Variants in KAZN observed in about 807,000 individuals in gnomAD.
KAZN encodes kazrin, periplakin interacting protein.
KAZN carries 40 observed loss-of-function variants against 87.4 expected under a neutral mutation model. The observed-to-expected ratio is 0.46, with a 90% confidence interval of 0.36 to 0.60. The LOEUF is 0.60. Ranked by LOEUF, KAZN falls within the 20% of genes least tolerant of loss-of-function variation. KAZN has a pLI of 0.00. For missense variants in KAZN, 898 were observed against 1,073.9 expected, an observed-to-expected ratio of 0.84 and a Z score of 2.29; for synonymous variants, 466 against 458.3, an observed-to-expected ratio of 1.02 and a Z score of -0.22.
chr1:14,649,491 T>C (rs1367302459), intron 1 of KAZN, among the ~76,000 whole-genome samples: 2 of 152,218 alleles, frequency 1.3e-5, no homozygotes, highest in African/African-American at 4.8e-5. Flanking sequence ...CAAAGCCTGA[T>C]TGATCCATTG....
intron 2 of KAZN, among the ~76,000 whole-genome samples, chr1:14,286,697 C>T (rs1653280026): frequency 6.6e-6 from 1 of 152,142 alleles, no homozygotes; most frequent in African/African-American, 2.4e-5. Flanking sequence ...ACTTTGTAGA[C>T]ATACCCAGGT....
rs187642803 is a variant in KAZN, at chr1:14,180,344, C to T, written c.92-91C>T. 8.2e-5 allele frequency: 95 copies of T among 1,154,446 alleles called. No homozygotes were observed. The African/African-American group carries it at 1.3e-3, about 15-fold the overall frequency. 71.5% of individuals were successfully genotyped at this position (1,154,446 alleles called of 1,614,324 possible). On this transcript the variant is annotated intron_variant, in intron 1 of 16. Transcript: ENST00000636203. ...ATGCCTGGCTTAGACCTTGTATGTA[C>T]ACCCTTACTTTTCTCTTCAAAATGG...
chr1:15,056,162 G>A lies in KAZN; in HGVS notation c.798G>A (p.Thr266=), dbSNP rs1049826717. The part of the protein sequence containing the change: ...KRHSLAMPGE[T]VLNGNQEWVV... ...ATTCCCTCGCCATGCCGGGCGAGACGGTGCTCAATGGCAACCAGGAGTGGG... is the reference window on the plus strand; with the variant it reads ...ATTCCCTCGCCATGCCGGGCGAGACAGTGCTCAATGGCAACCAGGAGTGGG... Residue 266 remains threonine (T), a synonymous_variant, in exon 5 of 15, where the codon ACG becomes ACA. Coordinates refer to ENST00000376030, the MANE Select transcript of KAZN (RefSeq NM_201628.3). This position sits in a 1 kb window ranked among gnomAD's most constrained non-coding sequence, Gnocchi z 5.4. 15 of 1,614,072 alleles carry A rather than the reference G, an allele frequency of 9.3e-6. No homozygotes were observed. Among genetic ancestry groups the A allele is most frequent in the Middle Eastern group, 1.6e-4 (1 of 6,084 alleles).
At chr1:14,231,345 C>G (rs1417501675) in intron 2 of KAZN, among the ~76,000 whole-genome samples, 1 of 152,190 alleles carries the variant, frequency 6.6e-6, no homozygotes, top group East Asian at 1.9e-4. Flanking sequence ...GCTATCTTCC[C>G]CTCCCCTTGT....
intron 2 of KAZN, among the ~76,000 whole-genome samples, chr1:14,533,867 T>C (rs1324790654): frequency 6.6e-6 from 1 of 152,194 alleles, no homozygotes; most frequent in African/African-American, 2.4e-5. Context: ...ACCTGTCTGC[T>C]CACATACAAG....
intron 1 of KAZN, among the ~76,000 whole-genome samples, chr1:14,681,449 T>G (rs1463336401): frequency 6.6e-6 from 1 of 151,260 alleles, no homozygotes; most frequent in South Asian, 2.1e-4. Flanking sequence ...ACACTGACAT[T>G]TCAGAAACTC....
At chr1:15,034,929 C>T in intron 3 of KAZN, 44 bp downstream of exon 3, 1 of 1,606,602 alleles carries the variant, frequency 6.2e-7, no homozygotes, top group Non-Finnish European at 8.5e-7. Flanking sequence ...GACACACCAG[C>T]TCCCACCTCC....
Position 15,094,245 on chromosome 1 carries a change from G to A in KAZN, c.1288G>A (p.Asp430Asn), listed in dbSNP as rs753888015. ...CCTGTCGGAAGGCGAGGAGCAGATG[G>A]ACCGGCTGCAGCAGGTGGAGCTGGT... Reference protein sequence around the residue: ...LSLSEGEEQMDRLQQVELVRT... With the variant: ...LSLSEGEEQMNRLQQVELVRT... Residue 430 changes from aspartate to asparagine, a missense_variant, in exon 9 of 15, where the codon GAC becomes AAC. Physicochemically the swap from Asp to Asn is conservative, Grantham distance 23. Transcript: ENST00000376030. This position sits in a 1 kb window ranked among gnomAD's most constrained non-coding sequence, Gnocchi z 4.5. 10 of 1,613,852 alleles carry A rather than the reference G, an allele frequency of 6.2e-6. No homozygotes were observed. The highest frequency in any genetic ancestry group is 7.6e-6 in the Non-Finnish European group (9 of 1,179,896).
At chr1:14,195,484 A>G (rs1328149279) in intron 2 of KAZN, among the ~76,000 whole-genome samples, 1 of 149,466 alleles carries the variant, frequency 6.7e-6, no homozygotes, top group Non-Finnish European at 1.5e-5. Context: ...AAAATCATCC[A>G]TCAGGGATTC....
At chr1:14,245,512 ATT>A (rs1161151806) in intron 2 of KAZN, among the ~76,000 whole-genome samples, 1 of 152,036 alleles carries the variant, frequency 6.6e-6, no homozygotes, top group East Asian at 1.9e-4. Flanking sequence ...GCAGTTTCAC[ATT>A]TTTCACCGTG....
At chr1:14,620,715 C>T (rs1678630026) in intron 1 of KAZN, among the ~76,000 whole-genome samples, 1 of 152,182 alleles carries the variant, frequency 6.6e-6, no homozygotes, top group Admixed American at 6.5e-5. Flanking sequence ...AACTCCGAGC[C>T]CTGCCACTAC....
At position 14,388,790 on chromosome 1, in the gene KAZN, C is replaced by A. The variant is rs180771368; in HGVS notation, c.249+208198C>A. On this transcript the variant is annotated intron_variant, in intron 2 of 16. Transcript: ENST00000636203. Reference sequence around the variant, plus strand: ...AAACTCTCCAGGACATTGGACTGGGCAAAGATTTCTTGAGTAATATCCCAC... The same window carrying A: ...AAACTCTCCAGGACATTGGACTGGGAAAAGATTTCTTGAGTAATATCCCAC... Among the ~76,000 whole-genome samples the A allele has an allele frequency of 6.6e-5, 10 of 152,206 alleles. No homozygotes were observed. The East Asian group carries it at 1.9e-3, about 29-fold the overall frequency.
chr1:14,712,715 G>A (rs1642551067), intron 1 of KAZN, among the ~76,000 whole-genome samples: 1 of 152,124 alleles, frequency 6.6e-6, no homozygotes, highest in African/African-American at 2.4e-5. Flanking sequence ...GCCTCCACAG[G>A]GAAAGAAACA....
At chr1:14,709,716 G>A (rs1642389603) in intron 1 of KAZN, among the ~76,000 whole-genome samples, 1 of 152,144 alleles carries the variant, frequency 6.6e-6, no homozygotes, top group Admixed American at 6.5e-5. Context: ...TTGAGGGATG[G>A]TATGAACTCA....
intron 2 of KAZN, among the ~76,000 whole-genome samples, chr1:14,992,905 A>G (rs1054093805): frequency 1.3e-5 from 2 of 151,948 alleles, no homozygotes; most frequent in African/African-American, 2.4e-5. Context: ...CAGCCTCCCA[A>G]AGTGCTGGGA....
At chr1:15,011,859 A>T (rs1389977151) in intron 2 of KAZN, among the ~76,000 whole-genome samples, 1 of 152,082 alleles carries the variant, frequency 6.6e-6, no homozygotes, top group Non-Finnish European at 1.5e-5. Context: ...GACCAAAAAG[A>T]GGAAGGAGGA....
intron 1 of KAZN, among the ~76,000 whole-genome samples, chr1:14,808,986 A>AAAC (rs538302100): frequency 6.6e-6 from 1 of 152,136 alleles, no homozygotes; most frequent in South Asian, 2.1e-4. Context: ...GGTGGTGGTA[A>AAAC]AACAACAACA....
At chr1:13,942,247 AT>A (rs1640955767) in intron 1 of KAZN, among the ~76,000 whole-genome samples, 2 of 152,138 alleles carry the variant, frequency 1.3e-5, no homozygotes, top group Admixed American at 6.5e-5. Flanking sequence ...CTGGAGAAAA[AT>A]ATAATTCACC....
intron 2 of KAZN, among the ~76,000 whole-genome samples, chr1:14,981,063 G>A (rs1350479563): frequency 6.6e-6 from 1 of 152,178 alleles, no homozygotes; most frequent in Admixed American, 6.5e-5. Flanking sequence ...GAGGGACAGG[G>A]CAGCCTCCTC....
Sources: allele counts gnomAD v4.1 joint callset (sites outside exome capture counted in the v4.1 genomes callset), GRCh38; gene constraint gnomAD v4.1.1; non-coding constraint Gnocchi (gnomAD v3.1); transcripts MANE v1.5; gene names NCBI Gene and HGNC (gene_info 2026-07-23, HGNC 2026-07-21).